Variants in PRKCD observed in about 807,000 individuals in gnomAD.
The protein encoded by PRKCD is protein kinase C delta type.
A neutral mutation model predicts 82.2 loss-of-function variants in PRKCD; 20 were observed. The ratio of observed to expected loss-of-function variants is 0.24; its 90% CI spans 0.17 to 0.35. The LOEUF (loss-of-function observed/expected upper bound fraction) is 0.35, where lower values mean the gene tolerates loss of function less well. PRKCD is among the 10% of genes least tolerant of loss of function. The pLI is 1.00. For missense variants in PRKCD, 607 were observed against 899.0 expected, an observed-to-expected ratio of 0.68 and a Z score of 4.15; for synonymous variants, 317 against 337.0, an observed-to-expected ratio of 0.94 and a Z score of 0.65.
intron 2 of PRKCD, chr3:53,173,500 C>G (rs3773725): frequency 0.59 from 89,218 of 151,996 alleles, 27,375 homozygotes; most frequent in East Asian, 0.75. Flanking sequence ...TAGTTTTTTT[C>G]AGACAGAGTG....
intron 5 of PRKCD, 79 bp from the exon 6 acceptor site, chr3:53,181,365 A>G (rs993382151): frequency 6.2e-7 from 1 of 1,609,464 alleles, no homozygotes; most frequent in Middle Eastern, 1.7e-4. Flanking sequence ...AGAGCTGTCC[A>G]GGACCACCCT....
At chr3:53,181,804 T>G in intron 7 of PRKCD, 72 bp downstream of exon 7, 97 of 1,600,952 alleles carry the variant, frequency 6.1e-5, no homozygotes, top group Middle Eastern at 1.7e-4. Flanking sequence ...CCTGTGTGTA[T>G]GCCAGTGCCT....
intron 2 of PRKCD, among the ~76,000 whole-genome samples, chr3:53,165,812 A>C (rs1199924624): frequency 6.6e-6 from 1 of 152,222 alleles, no homozygotes; most frequent in Non-Finnish European, 1.5e-5. Flanking sequence ...AGTCTGGAAC[A>C]ATGCTGGGAA....
intron 16 of PRKCD, 57 bp downstream of exon 16, chr3:53,188,915 G>A: frequency 1.2e-6 from 2 of 1,603,584 alleles, no homozygotes; most frequent in South Asian, 1.1e-5. Context: ...TCCCCACGGT[G>A]GGCCAGGGAA....
chr3:53,172,874 T>G (rs1203338698), intron 2 of PRKCD, among the ~76,000 whole-genome samples: 1 of 152,168 alleles, frequency 6.6e-6, no homozygotes, highest in Non-Finnish European at 1.5e-5. Flanking sequence ...CCAACAGGCA[T>G]CATTCTGTGG....
chr3:53,185,853 C>T, intron 11 of PRKCD, 74 bp from the exon 12 acceptor site: 1 of 1,566,384 alleles, frequency 6.4e-7, no homozygotes, highest in African/African-American at 1.4e-5. Flanking sequence ...TTCCCCCAGC[C>T]TACCCCAGGC....
At position 53,187,076 on chromosome 3, in the gene PRKCD, T is replaced by C. The variant is rs574625966; in HGVS notation, c.1353-264T>C. On this transcript the variant is annotated intron_variant, in intron 14 of 18. Transcript: ENST00000330452. ...AACCGTGTATGTGTGTGTGTGTGTG[T>C]GCATGCATGCAAACACATATGTACA... Among the ~76,000 whole-genome samples the C allele has an allele frequency of 1.2e-4, 18 of 152,304 alleles. No homozygotes were observed. In the East Asian group the frequency reaches 3.1e-3, roughly 26 times the overall value.
intron 2 of PRKCD, among the ~76,000 whole-genome samples, chr3:53,177,324 G>A (rs1553666094): frequency 6.6e-6 from 1 of 152,186 alleles, no homozygotes; most frequent in Non-Finnish European, 1.5e-5. Context: ...GTTTGAAGGT[G>A]CAGGCAACCT....
At chr3:53,182,083 G>A (rs1161282016) in intron 7 of PRKCD, 2 of 441,694 alleles carry the variant, frequency 4.5e-6, no homozygotes, top group Non-Finnish European at 4.5e-6. Context: ...GGCTGCATGT[G>A]CTTCTGTGTA....
At chr3:53,161,858 C>A (rs1298891112) in intron 1 of PRKCD, among the ~76,000 whole-genome samples, 6 of 140,800 alleles carry the variant, frequency 4.3e-5, no homozygotes. Flanking sequence ...CGCCCCACCC[C>A]CACCCACACC....
At chr3:53,168,697 C>T (rs1295470175) in intron 2 of PRKCD, among the ~76,000 whole-genome samples, 7 of 151,852 alleles carry the variant, frequency 4.6e-5, no homozygotes, top group East Asian at 3.9e-4. Context: ...AGCAGGAAGA[C>T]GGAACAGCAA....
chr3:53,176,949 C>T (rs1703233576), intron 2 of PRKCD, among the ~76,000 whole-genome samples: 1 of 152,176 alleles, frequency 6.6e-6, no homozygotes. Flanking sequence ...CTGCCCTCAG[C>T]CTCCCAAGTA....
Position 53,192,419 on chromosome 3 carries a change from C to A in PRKCD, c.*153C>A. The stretch of plus-strand genomic sequence containing the variant: ...GCCGTCTGGCCGGGCTCTCATGGTA[C>A]TTCCTCTGTGAACTGTGTGTGAATC... On this transcript the variant is annotated 3_prime_UTR_variant, in exon 19 of 19. Coordinates refer to ENST00000330452, the MANE Select transcript of PRKCD (RefSeq NM_006254.4). 1.2e-6 allele frequency: 1 copy of A among 802,058 alleles called. No individual in the cohort carries two copies. The highest frequency in any genetic ancestry group is 2.0e-6 in the Non-Finnish European group (1 of 500,222). 49.7% of individuals were successfully genotyped at this position (802,058 alleles called of 1,614,324 possible).
intron 1 of PRKCD, among the ~76,000 whole-genome samples, chr3:53,163,695 A>G (rs1702746544): frequency 6.6e-6 from 1 of 152,156 alleles, no homozygotes; most frequent in African/African-American, 2.4e-5. Flanking sequence ...ACCCCCAGCT[A>G]TACGGTTCCC....
rs1703972293 is a variant in PRKCD at position 53,192,678 on chromosome 3, G to T, written c.*412G>T. 1.4e-5 allele frequency: 2 copies of T among 148,118 alleles called. No homozygotes were observed. 9.2% of individuals were successfully genotyped at this position (148,118 alleles called of 1,614,324 possible). ...GGAGCACAAGCTGTTTGAACCACCA[G>T]GTTTATTTGTGTGTCTAAATAAACA... On this transcript the variant is annotated 3_prime_UTR_variant, in exon 19 of 19. Coordinates refer to ENST00000330452, the MANE Select transcript of PRKCD (RefSeq NM_006254.4).
Position 53,181,243 on chromosome 3 carries a change from G to T in PRKCD, c.352G>T (p.Val118Phe). The change falls in exon 5 of 19, where the codon GTT becomes TTT. Residue 118 changes from valine (V) to phenylalanine (F), a missense_variant. Physicochemically the swap from Val to Phe is conservative, Grantham distance 50 (BLOSUM62 -1). Around this residue, in one of 5 missense-constraint regions of PRKCD, gnomAD observed 161 missense variants for 227.0 expected, o/e 0.71. Coordinates refer to ENST00000330452, the MANE Select transcript of PRKCD (RefSeq NM_006254.4). ...LQPQAKVLMS[V>F]QYFLEDVDCK... is the part of the protein sequence containing the mutation. ...GCCTCAGGCCAAGGTGTTGATGTCTGTTCAGTATTTCCTGGAGGACGTGGG... is the reference window on the plus strand; with the variant it reads ...GCCTCAGGCCAAGGTGTTGATGTCTTTTCAGTATTTCCTGGAGGACGTGGG... 1 of 1,613,956 alleles carries T rather than the reference G, an allele frequency of 6.2e-7. No individual in the cohort carries two copies. Among genetic ancestry groups the T allele is most frequent in the Non-Finnish European group, 8.5e-7 (1 of 1,179,914 alleles).
At chr3:53,170,580 A>G (rs1553664686) in intron 2 of PRKCD, among the ~76,000 whole-genome samples, 1 of 152,038 alleles carries the variant, frequency 6.6e-6, no homozygotes, top group African/African-American at 2.4e-5. Context: ...TCCCTTACAC[A>G]CTTTAGACTT....
intron 9 of PRKCD, 124 bp downstream of exon 9, chr3:53,183,705 G>A: frequency 7.3e-7 from 1 of 1,361,680 alleles, no homozygotes; most frequent in Non-Finnish European, 9.9e-7. Context: ...TCAGGGACCT[G>A]ATGAGGGTGA....
At chr3:53,177,896 C>T (rs1553666200) in intron 2 of PRKCD, among the ~76,000 whole-genome samples, 1 of 152,040 alleles carries the variant, frequency 6.6e-6, no homozygotes. Flanking sequence ...ACCAGAGACG[C>T]CGCAAATCCA....
Sources: allele counts gnomAD v4.1 joint callset (sites outside exome capture counted in the v4.1 genomes callset), GRCh38; gene constraint gnomAD v4.1.1; regional missense constraint gnomAD v4.1.1; transcripts MANE v1.5; gene names NCBI Gene and HGNC (gene_info 2026-07-23, HGNC 2026-07-21).